CEP164: variants seen among roughly 807,000 people sequenced by gnomAD.
The protein encoded by CEP164 is centrosomal protein of 164 kDa.
Under a neutral mutation model 182.7 loss-of-function variants are expected in CEP164, and 162 were observed. That is an observed-to-expected ratio of 0.89 (90% CI 0.78 to 1.01). The LOEUF (loss-of-function observed/expected upper bound fraction) is 1.01. Among genes scored for constraint, CEP164 ranks in the 50% least tolerant of loss-of-function variants. The pLI is 0.00. For synonymous variants in CEP164, 661 were observed against 690.0 expected (o/e 0.96, Z 0.66); for missense variants, 1,735 against 1,790.4 (o/e 0.97, Z 0.56).
At chr11:117,386,288 C>T (rs1242684505) in intron 14 of CEP164, 6 of 152,218 alleles carry the variant, frequency 3.9e-5, no homozygotes, top group African/African-American at 1.4e-4. Flanking sequence ...CTTTATCCTG[C>T]TCATGGTTTC....
chr11:117,336,650 G>C, intron 2 of CEP164: 1 of 1,025,484 alleles, frequency 9.8e-7, no homozygotes, highest in Non-Finnish European at 1.5e-6. Context: ...GTGTCCTCCA[G>C]CCTTTCCACG....
chr11:117,336,446 C>T (rs1156301853), intron 2 of CEP164: 1 of 1,411,346 alleles, frequency 7.1e-7, no homozygotes. Flanking sequence ...GGCTGTGGTA[C>T]AGGATGAGGG....
intron 3 of CEP164, among the ~76,000 whole-genome samples, chr11:117,341,281 C>T (rs1474464158): frequency 3.3e-5 from 5 of 152,196 alleles, no homozygotes; most frequent in Non-Finnish European, 5.9e-5. Flanking sequence ...TGGGCTATCT[C>T]AGTAGCTTCC....
intron 8 of CEP164, among the ~76,000 whole-genome samples, chr11:117,370,236 C>T (rs2042067097): frequency 6.6e-6 from 1 of 151,842 alleles, no homozygotes; most frequent in South Asian, 2.1e-4. Flanking sequence ...GGTGAGGATG[C>T]TGTCTCCGAG....
At chr11:117,350,219 T>C (rs921090678) in intron 4 of CEP164, among the ~76,000 whole-genome samples, 8 of 152,078 alleles carry the variant, frequency 5.3e-5, no homozygotes, top group Admixed American at 1.3e-4. Flanking sequence ...TTTTTTTTTT[T>C]TGAAACAGGG....
chr11:117,333,491 T>C (rs2036541196), intron 1 of CEP164, among the ~76,000 whole-genome samples: 1 of 152,222 alleles, frequency 6.6e-6, no homozygotes, highest in East Asian at 1.9e-4. Flanking sequence ...GGAGTAGTTT[T>C]TCAAAATGTG....
At chr11:117,345,322 G>C (rs887987777) in intron 4 of CEP164, among the ~76,000 whole-genome samples, 2 of 152,152 alleles carry the variant, frequency 1.3e-5, no homozygotes, top group African/African-American at 2.4e-5. Context: ...AGTGCTCCCT[G>C]CTCGTGGTGA....
At position 117,356,582 on chromosome 11, in the gene CEP164, A is replaced by C. The variant is rs775865937; in HGVS notation, c.393+4594A>C. The C allele has an allele frequency of 4.0e-5, 51 of 1,288,178 alleles. No individual in the cohort carries two copies. In the South Asian group the frequency reaches 6.3e-4, roughly 16 times the overall value. The allele number at this position is 1,288,178 out of a possible 1,614,324, so 79.8% of individuals were successfully genotyped here. A position where few individuals can be genotyped will look rare whatever the true frequency, so the allele number is the denominator to read the frequency against. On this transcript the variant is annotated intron_variant, in intron 5 of 32. Transcript: ENST00000278935. ...CCAGCAGAGCTCCAGCAGAGGGCTTACTACAGAGCCAGGCAAGATGCAGCA... is the reference window on the plus strand; with the variant it reads ...CCAGCAGAGCTCCAGCAGAGGGCTTCCTACAGAGCCAGGCAAGATGCAGCA...
At chr11:117,329,089 C>A (rs776239258) in intron 1 of CEP164, among the ~76,000 whole-genome samples, 1 of 152,156 alleles carries the variant, frequency 6.6e-6, no homozygotes, top group Non-Finnish European at 1.5e-5. Context: ...CTGTCAGAAT[C>A]ATTTATTTAT....
chr11:117,331,543 G>C (rs1328578021), intron 1 of CEP164, among the ~76,000 whole-genome samples: 1 of 152,078 alleles, frequency 6.6e-6, no homozygotes, highest in Non-Finnish European at 1.5e-5. Flanking sequence ...AGTTATTGAG[G>C]CTGAGAGAGG....
intron 5 of CEP164, chr11:117,356,198 G>C (rs1255541291): frequency 6.5e-6 from 7 of 1,073,608 alleles, no homozygotes; most frequent in African/African-American, 5.1e-5. Context: ...GCAGAGCCCT[G>C]ACGAGGAGCA....
In CEP164 at chr11:117,411,814, C is replaced by T. The variant is rs1193000155; in HGVS notation, c.4183C>T (p.Gln1395Ter). 2 of 1,614,176 alleles carry T rather than the reference C, an allele frequency of 1.2e-6. No individual in the cohort carries two copies. Among genetic ancestry groups the T allele is most frequent in the Non-Finnish European group, 1.7e-6 (2 of 1,180,016 alleles). Reference sequence around the variant, plus strand: ...TCCCAGTGAGCAGCTCCGGCTCCTACAGCACTCCCATTCGCAAGTCCCTGA... The same window carrying T: ...TCCCAGTGAGCAGCTCCGGCTCCTATAGCACTCCCATTCGCAAGTCCCTGA... ...MSASEQLRLL[Q>*]HSHSQVPEAG... Residue 1395 changes from glutamine (Q) to a stop codon, truncating the protein, a stop_gained, in exon 32 of 33, where the codon CAG (glutamine) becomes TAG (stop). Coordinates refer to ENST00000278935, the MANE Select transcript of CEP164 (RefSeq NM_014956.5). LOFTEE classifies it high-confidence loss of function. This position sits in a 1 kb window ranked among gnomAD's most constrained non-coding sequence, Gnocchi z 4.4.
intron 27 of CEP164, among the ~76,000 whole-genome samples, chr11:117,397,752 G>T (rs1305151108): frequency 6.6e-6 from 1 of 152,126 alleles, no homozygotes; most frequent in African/African-American, 2.4e-5. Flanking sequence ...AGAACAGTAT[G>T]GGGGAAATGG....
intron 15 of CEP164, 100 bp downstream of exon 15, chr11:117,387,512 TCTA>T: frequency 8.5e-7 from 1 of 1,181,790 alleles, no homozygotes; most frequent in Non-Finnish European, 1.2e-6. Context: ...TGCCCATGGT[TCTA>T]CTAAGACCAA....
chr11:117,404,710 G>T (rs1004276804), intron 27 of CEP164, among the ~76,000 whole-genome samples: 4 of 152,242 alleles, frequency 2.6e-5, no homozygotes, highest in Non-Finnish European at 5.9e-5. Flanking sequence ...TCTCTTCAGA[G>T]CCAGCAGGCA....
At chr11:117,354,103 G>GC (rs1195088838) in intron 5 of CEP164, among the ~76,000 whole-genome samples, 1 of 151,128 alleles carries the variant, frequency 6.6e-6, no homozygotes, top group Non-Finnish European at 1.5e-5. Context: ...TGCAACCTCC[G>GC]CCCCCTGGGT....
At chr11:117,383,796 G>A (rs2043624385) in intron 14 of CEP164, among the ~76,000 whole-genome samples, 2 of 152,164 alleles carry the variant, frequency 1.3e-5, no homozygotes, top group Admixed American at 1.3e-4. Context: ...CAGCACTCTG[G>A]GAGGCCGAGG....
chr11:117,411,165 C>A lies in CEP164; in HGVS notation c.4163+271C>A. On this transcript the variant is annotated intron_variant, in intron 31 of 32. Transcript: ENST00000278935. This position sits in a 1 kb window ranked among gnomAD's most constrained non-coding sequence, Gnocchi z 4.4. ...CCCCTGAGGAAGCTGCCCTCTGGCC[C>A]CTGTGGGGAGGAGTCAGCCCCTGGT... 2.3e-6 allele frequency: 1 copy of A among 426,824 alleles called. No homozygotes were observed. The allele number at this position is 426,824 out of a possible 1,614,324, so 26.4% of individuals were successfully genotyped here.
chr11:117,378,966 C>T (rs1056152077), intron 11 of CEP164, among the ~76,000 whole-genome samples: 10 of 152,200 alleles, frequency 6.6e-5, no homozygotes, highest in African/African-American at 2.4e-4. Flanking sequence ...ACCCCCACTT[C>T]ATTACTCATC....
Sources: gnomAD v4.1 joint callset for allele counts (sites outside exome capture counted in the v4.1 genomes callset) on GRCh38, gnomAD v4.1.1 for gene constraint, Gnocchi (gnomAD v3.1) non-coding constraint, MANE v1.5 for transcripts, NCBI Gene and HGNC (gene_info 2026-07-23, HGNC 2026-07-21) for gene names.